TUBGCP2: variants seen among roughly 807,000 people sequenced by gnomAD.
TUBGCP2 encodes the protein tubulin gamma complex component 2, also known as gamma-tubulin complex component 2.
In TUBGCP2, 55 loss-of-function variants were observed where a neutral mutation model predicts 92.2. The ratio of observed to expected loss-of-function variants is 0.60; its 90% confidence interval spans 0.48 to 0.75. TUBGCP2 has a LOEUF of 0.75. Among genes scored for constraint, TUBGCP2 ranks in the 30% least tolerant of loss-of-function variants. The pLI is 0.00. For missense variants in TUBGCP2, 1,093 were observed against 1,188.9 expected, an observed-to-expected ratio of 0.92 and a Z score of 1.19; for synonymous variants, 533 against 505.2, an observed-to-expected ratio of 1.06 and a Z score of -0.74.
Position 133,285,010 on chromosome 10 carries a change from G to C in TUBGCP2, c.2024+75C>G. On this transcript the variant is annotated intron_variant, in intron 13 of 17. Transcript: ENST00000252936. This position sits in a 1 kb window ranked among gnomAD's most constrained non-coding sequence, Gnocchi z 6.8. ...AGCTGTCTACCAGGAGGGCACAAGG[G>C]GGGCGCTGCACCACTGGGCAGAGTG... 6.6e-7 allele frequency: 1 copy of C among 1,516,428 alleles called. No individual in the cohort carries two copies. Among genetic ancestry groups the C allele is most frequent in the East Asian group, 2.3e-5 (1 of 43,846 alleles). The allele number at this position is 1,516,428 out of a possible 1,614,324, so 93.9% of individuals were successfully genotyped here. A position where few individuals can be genotyped will look rare whatever the true frequency, so the allele number is the denominator to read the frequency against.
upstream of TUBGCP2, chr10:133,309,166 G>A: frequency 1.5e-6 from 2 of 1,377,294 alleles, no homozygotes; most frequent in Non-Finnish European, 1.9e-6. Flanking sequence ...GGCGGGGCCG[G>A]AGCCTGGAGT....
At chr10:133,304,407 GC>G (rs1313024788) in intron 1 of TUBGCP2, among the ~76,000 whole-genome samples, 2 of 152,226 alleles carry the variant, frequency 1.3e-5, no homozygotes, top group African/African-American at 4.8e-5. Context: ...GGGTTCTTAA[GC>G]CGGTATCCAT....
At position 133,279,737 on chromosome 10, in the gene TUBGCP2, A is replaced by T; in HGVS notation, c.*29T>A. 1 of 1,541,278 alleles carries T rather than the reference A, an allele frequency of 6.5e-7. No individual in the cohort carries two copies. Among genetic ancestry groups the T allele is most frequent in the Non-Finnish European group, 8.8e-7 (1 of 1,141,880 alleles). Reference sequence around the variant, plus strand: ...ATTTGCACCAGTCCCTGCTGACCCCACACCCTTCCTTCCTGTCACAGCCAG... The same window carrying T: ...ATTTGCACCAGTCCCTGCTGACCCCTCACCCTTCCTTCCTGTCACAGCCAG... On this transcript the variant is annotated 3_prime_UTR_variant, in exon 18 of 18. Transcript: ENST00000252936.
At chr10:133,295,343 A>C (rs1847464336) in intron 5 of TUBGCP2, 1 of 152,328 alleles carries the variant, frequency 6.6e-6, no homozygotes, top group African/African-American at 2.4e-5. Flanking sequence ...GCTACTCGGG[A>C]GGCTGAGGTG....
chr10:133,279,785 A>G lies in TUBGCP2; in HGVS notation c.2690T>C (p.Val897Ala). 1 of 1,563,220 alleles carries G rather than the reference A, an allele frequency of 6.4e-7. No homozygotes were observed. Among genetic ancestry groups the G allele is most frequent in the South Asian group, 1.2e-5 (1 of 85,354 alleles). ...LRGPPAPAPR[V>A]AVTAQ ...CAGGGCTCACTGTGCGGTGACTGCG[A>G]CCCTGGGTGCAGGAGCCGGGGGCCC... Residue 897 changes from valine to alanine, a missense_variant, in exon 18 of 18, where the codon GTC (valine) becomes GCC (alanine). By Grantham distance (64) the Val-to-Ala change is moderately conservative. Around this residue, in one of 3 missense-constraint regions of TUBGCP2, gnomAD observed 598 missense variants for 675.5 expected, o/e 0.89. Coordinates refer to ENST00000252936, the MANE Select transcript of TUBGCP2 (RefSeq NM_006659.4).
chr10:133,288,134 G>C lies in TUBGCP2; in HGVS notation c.1717C>G (p.Leu573Val), dbSNP rs1239658630. 1 of 1,609,826 alleles carries C rather than the reference G, an allele frequency of 6.2e-7. No individual in the cohort carries two copies. Among genetic ancestry groups the C allele is most frequent in the Non-Finnish European group, 8.5e-7 (1 of 1,177,142 alleles). Residue 573 changes from leucine to valine, a missense_variant, in exon 11 of 18, where the codon CTC (leucine) becomes GTC (valine). By Grantham distance (32) the Leu-to-Val change is conservative. This residue lies in a region of TUBGCP2 where 598 missense variants were observed against 675.5 expected (regional missense o/e 0.89). Transcript: ENST00000252936. ...TANTDPFKDD[L>V]KIDLMPHDLI... is the part of the protein sequence containing the mutation. ...CCCCCGGCACCCCCACCCACCTTGA[G>C]GTCGTCCTTGAAGGGGTCAGTGTTG...
chr10:133,300,225 T>C, intron 2 of TUBGCP2, 112 bp from the exon 3 acceptor site: 3 of 1,235,074 alleles, frequency 2.4e-6, no homozygotes, highest in Non-Finnish European at 3.4e-6. Flanking sequence ...TTGGGTAGGT[T>C]AAATAATTAT....
intron 1 of TUBGCP2, among the ~76,000 whole-genome samples, chr10:133,306,645 G>A (rs544195303): frequency 8.5e-5 from 13 of 152,148 alleles, no homozygotes; most frequent in African/African-American, 1.7e-4. Flanking sequence ...AAAATTAGCC[G>A]GGGGTGGTGG....
chr10:133,284,688 C>T (rs560399523), intron 13 of TUBGCP2, among the ~76,000 whole-genome samples: 6 of 152,286 alleles, frequency 3.9e-5, no homozygotes, highest in East Asian at 1.9e-4. Flanking sequence ...GCTCTGCCAT[C>T]GACCCCTTTT....
At chr10:133,292,821 A>G in intron 7 of TUBGCP2, 133 bp from the exon 8 acceptor site, 1 of 1,220,516 alleles carries the variant, frequency 8.2e-7, no homozygotes, top group Non-Finnish European at 1.1e-6. Context: ...GATACGTATT[A>G]ACTGTAAGGT....
In TUBGCP2 at chr10:133,285,321, A is replaced by G. The variant is rs777910032; in HGVS notation, c.1896-108T>C. The G allele has an allele frequency of 2.8e-5, 44 of 1,591,484 alleles. No individual in the cohort carries two copies. The highest frequency in any genetic ancestry group is 8.9e-5 in the Admixed American group (5 of 56,334). On this transcript the variant is annotated intron_variant, in intron 12 of 17. Transcript: ENST00000252936. The surrounding 1 kb of genome is among the most constrained non-coding windows in gnomAD (Gnocchi z 6.8). ...ACCGTGGCCCCCGGACAGCCCGTGA[A>G]TCTCTCGGACACTGAAGGCCGGGGA...
chr10:133,305,847 G>C (rs1335199959), intron 1 of TUBGCP2, among the ~76,000 whole-genome samples: 1 of 152,236 alleles, frequency 6.6e-6, no homozygotes, highest in Non-Finnish European at 1.5e-5. Context: ...TACAGTTCAA[G>C]CACAAGGCCA....
At chr10:133,310,221 G>A, upstream of TUBGCP2, 7 of 1,614,076 alleles carry the variant, frequency 4.3e-6, no homozygotes, top group Non-Finnish European at 5.9e-6. Flanking sequence ...AGACCGGAAG[G>A]ATCACATGGT....
intron 5 of TUBGCP2, among the ~76,000 whole-genome samples, chr10:133,296,608 G>A (rs1409585589): frequency 2.6e-5 from 4 of 152,038 alleles, no homozygotes; most frequent in Admixed American, 6.6e-5. Context: ...CTCCTGAGTA[G>A]CTGGGACTAC....
intron 10 of TUBGCP2, among the ~76,000 whole-genome samples, 191 bp from the exon 11 acceptor site, chr10:133,288,500 G>A (rs368001748): frequency 7.9e-5 from 12 of 151,936 alleles, no homozygotes; most frequent in East Asian, 5.8e-4. Flanking sequence ...ACAGATGCTC[G>A]CCATAGCCAT....
At chr10:133,292,065 C>T (rs1175412318) in intron 8 of TUBGCP2, among the ~76,000 whole-genome samples, 2 of 10,864 alleles carry the variant, frequency 1.8e-4, no homozygotes, top group Non-Finnish European at 2.0e-4. Flanking sequence ...CATGTCCCTC[C>T]GTGTCCCCCG....
chr10:133,312,151 G>A (rs1457937321), upstream of TUBGCP2: 38 of 1,433,850 alleles, frequency 2.7e-5, no homozygotes, highest in Non-Finnish European at 3.4e-5. Context: ...CCAGGCGTCT[G>A]CCTTAATAGC....
chr10:133,299,715 T>A, intron 3 of TUBGCP2, 112 bp from the exon 4 acceptor site: 1 of 1,001,858 alleles, frequency 1.0e-6, no homozygotes, highest in Non-Finnish European at 1.5e-6. Context: ...AGGCACCCAT[T>A]AATAGCAAAG....
chr10:133,291,941 G>GTGTCCCCCA (rs1294539859), intron 8 of TUBGCP2, among the ~76,000 whole-genome samples: 1 of 24,998 alleles, frequency 4.0e-5, no homozygotes, highest in Non-Finnish European at 8.2e-5. Flanking sequence ...ATGTCCCTCC[G>GTGTCCCCCA]TGTCCCTCCG....
Sources: allele counts gnomAD v4.1 joint callset (sites outside exome capture counted in the v4.1 genomes callset), GRCh38; gene constraint gnomAD v4.1.1; regional missense constraint gnomAD v4.1.1; non-coding constraint Gnocchi (gnomAD v3.1); transcripts MANE v1.5; gene names NCBI Gene and HGNC (gene_info 2026-07-23, HGNC 2026-07-21).